The following ALK variants were observed in gnomAD, a reference collection of about 807,000 sequenced individuals.
The protein encoded by ALK is ALK receptor tyrosine kinase, also known as ALK tyrosine kinase receptor.
Under a neutral mutation model 163.1 loss-of-function variants are expected in ALK, and 74 were observed. The observed-to-expected ratio is 0.45, with a 90% CI of 0.38 to 0.55. ALK has a LOEUF of 0.55. Among genes scored for constraint, ALK ranks in the 20% least tolerant of loss-of-function variants. The probability of loss-of-function intolerance (pLI) is 0.00; values close to 1 mark genes in which losing one functional copy is unlikely to be tolerated. For synonymous variants in ALK, 960 were observed against 843.2 expected (o/e 1.14, Z -2.40); for missense variants, 2,063 against 2,105.3 (o/e 0.98, Z 0.39).
At chr2:29,234,340 G>A (rs1664312480) in intron 13 of ALK, among the ~76,000 whole-genome samples, 1 of 152,152 alleles carries the variant, frequency 6.6e-6, no homozygotes, top group African/African-American at 2.4e-5. Context: ...TTCTCTATGA[G>A]AGCCGTTCTC....
chr2:29,562,938 G>T (rs1201841574), intron 3 of ALK, among the ~76,000 whole-genome samples: 1 of 152,170 alleles, frequency 6.6e-6, no homozygotes, highest in Non-Finnish European at 1.5e-5. Flanking sequence ...TTTCCCAAAG[G>T]TAAGCTAAGA....
chr2:29,389,589 C>T (rs11681002), intron 4 of ALK, among the ~76,000 whole-genome samples: 8,144 of 152,212 alleles, frequency 0.054, 414 homozygotes, highest in African/African-American at 0.13. Context: ...CCTTATACAT[C>T]GTAGACACTC....
At chr2:29,690,612 A>T (rs1044312003) in intron 3 of ALK, among the ~76,000 whole-genome samples, 3 of 152,192 alleles carry the variant, frequency 2.0e-5, no homozygotes, top group Non-Finnish European at 4.4e-5. Context: ...CCTCCATCTG[A>T]TGGTTCTTCA....
At chr2:29,474,617 A>T (rs1015912406) in intron 4 of ALK, among the ~76,000 whole-genome samples, 13 of 151,860 alleles carry the variant, frequency 8.6e-5, no homozygotes, top group Non-Finnish European at 1.8e-4. Context: ...GTAGATTTCC[A>T]GTTACCTTGT....
intron 1 of ALK, among the ~76,000 whole-genome samples, chr2:29,894,876 A>ACC (rs911060504): frequency 1.3e-5 from 2 of 148,292 alleles, no homozygotes; most frequent in Admixed American, 6.7e-5. Context: ...ACACACACAC[A>ACC]CCCCGACATA....
At chr2:29,796,966 A>G (rs1471123823) in intron 1 of ALK, among the ~76,000 whole-genome samples, 3 of 151,520 alleles carry the variant, frequency 2.0e-5, no homozygotes, top group African/African-American at 7.3e-5. Flanking sequence ...ACATACATAT[A>G]TACATACATA....
intron 4 of ALK, among the ~76,000 whole-genome samples, chr2:29,429,278 A>G (rs75032290): frequency 7.0e-4 from 106 of 152,120 alleles, no homozygotes; most frequent in African/African-American, 2.6e-3. Flanking sequence ...AATATAAATA[A>G]ATAAAAAGCA....
chr2:29,544,657 T>C (rs1228798104), intron 3 of ALK, among the ~76,000 whole-genome samples: 1 of 152,028 alleles, frequency 6.6e-6, no homozygotes, highest in Non-Finnish European at 1.5e-5. Flanking sequence ...TCTATATCTG[T>C]ATCATCTCTC....
At chr2:29,382,138 C>T (rs998048798) in intron 5 of ALK, among the ~76,000 whole-genome samples, 1 of 152,192 alleles carries the variant, frequency 6.6e-6, no homozygotes, top group South Asian at 2.1e-4. Flanking sequence ...TGGGCCAAGC[C>T]ACTTTCTCTA....
rs1206121019 is a variant in ALK, at chr2:29,730,415, G to C, written c.668-12718C>G. 3.9e-5 allele frequency among the ~76,000 whole-genome samples: 6 copies of C among 152,012 alleles called. No homozygotes were observed. In the East Asian group the frequency reaches 7.7e-4, roughly 20 times the overall value. ...TACATTGATTTTATGACTTGGAAAG[G>C]CTAAAAAAAAGTGGAATTCCACCTC... On this transcript the variant is annotated intron_variant, in intron 1 of 28. Coordinates refer to ENST00000389048, the MANE Select transcript of ALK (RefSeq NM_004304.5).
At chr2:29,323,300 G>T (rs1667132397) in intron 6 of ALK, among the ~76,000 whole-genome samples, 1 of 152,156 alleles carries the variant, frequency 6.6e-6, no homozygotes, top group African/African-American at 2.4e-5. Context: ...TTCAGAGTAT[G>T]GCTGAAACTG....
chr2:29,881,919 C>G (rs1019629384), intron 1 of ALK, among the ~76,000 whole-genome samples: 2 of 152,162 alleles, frequency 1.3e-5, no homozygotes, highest in African/African-American at 4.8e-5. Context: ...ACAACTAGAG[C>G]TTCCTCAGTT....
Position 29,920,459 on chromosome 2 carries a change from G to T in ALK, c.201C>A (p.Tyr67Ter). Residue 67 changes from tyrosine to a stop codon, truncating the protein, a stop_gained, in exon 1 of 29, where the codon TAC becomes TAA. Coordinates refer to ENST00000389048, the MANE Select transcript of ALK (RefSeq NM_004304.5). LOFTEE classifies it high-confidence loss of function. ...ATGGTGGCAGCAGTAGGTCCCGGGC[G>T]TAGACACGGAAGAGCGAGGGCACCA... ...DFVVPSLFRVYARDLLLPPSS... is the reference protein window; with the variant it reads ...DFVVPSLFRV The T allele has an allele frequency of 6.2e-7, 1 of 1,612,106 alleles. No individual in the cohort carries two copies. Among genetic ancestry groups the T allele is most frequent in the Non-Finnish European group, 8.5e-7 (1 of 1,179,384 alleles).
At chr2:29,416,522 A>G (rs1669881305) in intron 4 of ALK, among the ~76,000 whole-genome samples, 1 of 152,218 alleles carries the variant, frequency 6.6e-6, no homozygotes, top group East Asian at 1.9e-4. Flanking sequence ...GTTTAGTATG[A>G]TTAACAGAAG....
In ALK at chr2:29,596,735, G is replaced by A. The variant is rs575903784; in HGVS notation, c.953-64619C>T. Among the ~76,000 whole-genome samples the A allele has an allele frequency of 2.0e-4, 31 of 152,288 alleles. No homozygotes were observed. In the South Asian group the frequency reaches 2.5e-3, roughly 12 times the overall value. On this transcript the variant is annotated intron_variant, in intron 3 of 28. Transcript: ENST00000389048. ...TTGATAAAATAGACTCTACAAGAGCGTTGGCATGGTGGCAAGGGCTCTGGC... is the reference window on the plus strand; with the variant it reads ...TTGATAAAATAGACTCTACAAGAGCATTGGCATGGTGGCAAGGGCTCTGGC...
chr2:29,468,399 C>A (rs566654846), intron 4 of ALK, among the ~76,000 whole-genome samples: 36 of 152,238 alleles, frequency 2.4e-4, no homozygotes, highest in African/African-American at 8.7e-4. Context: ...CAATGCTGAG[C>A]ACTTGGGAGA....
At chr2:29,196,530 C>T (rs1026102156) in intron 28 of ALK, among the ~76,000 whole-genome samples, 5 of 152,196 alleles carry the variant, frequency 3.3e-5, no homozygotes, top group African/African-American at 1.2e-4. Context: ...TGGATTGATT[C>T]CCCAGTTTTT....
chr2:29,244,205 C>G (rs773195759), intron 12 of ALK, among the ~76,000 whole-genome samples: 6 of 152,222 alleles, frequency 3.9e-5, no homozygotes, highest in African/African-American at 7.2e-5. Flanking sequence ...GGCAGAGTGG[C>G]ATCCTGCTCT....
At chr2:29,611,662 TTGGATCG>T (rs1320066894) in intron 3 of ALK, among the ~76,000 whole-genome samples, 4 of 152,116 alleles carry the variant, frequency 2.6e-5, no homozygotes, top group Non-Finnish European at 5.9e-5. Context: ...TGGGAGGTGA[TTGGATCG>T]TGGGCATGGG....
Sources: gnomAD v4.1 joint callset for allele counts (sites outside exome capture counted in the v4.1 genomes callset) on GRCh38, gnomAD v4.1.1 for gene constraint, MANE v1.5 for transcripts, NCBI Gene and HGNC (gene_info 2026-07-23, HGNC 2026-07-21) for gene names.